The following PTPN13 variants were observed in gnomAD, a reference collection of about 807,000 sequenced individuals.
The protein encoded by PTPN13 is protein tyrosine phosphatase non-receptor type 13.
A neutral mutation model predicts 284.0 loss-of-function variants in PTPN13; 191 were observed. The observed-to-expected ratio is 0.67, with a 90% CI of 0.60 to 0.76. PTPN13 has a LOEUF of 0.76. Among genes scored for constraint, PTPN13 ranks in the 30% least tolerant of loss-of-function variants. PTPN13 has a pLI of 0.00. For missense variants in PTPN13, 2,797 were observed against 2,939.9 expected (o/e 0.95, Z 1.12); for synonymous variants, 986 against 1,022.3 (o/e 0.96, Z 0.68).
chr4:86,601,910 A>G (rs530361934), intron 1 of PTPN13, among the ~76,000 whole-genome samples: 3 of 152,156 alleles, frequency 2.0e-5, no homozygotes, highest in Non-Finnish European at 4.4e-5. Context: ...CAGACACTCT[A>G]CTAGGCACTG....
At chr4:86,672,304 A>G in intron 2 of PTPN13, 61 bp from the exon 3 acceptor site, 1 of 1,379,040 alleles carries the variant, frequency 7.3e-7, no homozygotes, top group Non-Finnish European at 9.7e-7. Context: ...TCCTGTGATT[A>G]TAATTTTAAG....
rs534941922 is a variant in PTPN13, at chr4:86,739,206, A to C, written c.2305-2428A>C. Among the ~76,000 whole-genome samples the C allele has an allele frequency of 2.8e-3, 426 of 152,276 alleles. 1 individual carries two copies. The highest frequency in any genetic ancestry group is 4.7e-3 in the Non-Finnish European group (317 of 68,018). ...AAGGGTTGAAATTCATTTTTTTAGC[A>C]TGTGGATATACAGTTGTCCCAGTAA... is the stretch of plus-strand genomic sequence containing the variant. On this transcript the variant is annotated intron_variant, in intron 15 of 47. Coordinates refer to ENST00000411767, the MANE Select transcript of PTPN13 (RefSeq NM_080683.3).
At chr4:86,661,221 T>C (rs1406582473) in intron 2 of PTPN13, 4 of 334,706 alleles carry the variant, frequency 1.2e-5, no homozygotes, top group Admixed American at 4.1e-5. Flanking sequence ...TTGGACATCA[T>C]AAAAATAGAA....
intron 9 of PTPN13, among the ~76,000 whole-genome samples, chr4:86,721,009 C>A (rs1037888136): frequency 2.0e-5 from 3 of 151,816 alleles, no homozygotes; most frequent in Admixed American, 2.0e-4. Context: ...TAGTACATTC[C>A]CACTGCTTCT....
In PTPN13 at chr4:86,750,697, G is replaced by A. The variant is rs759374648; in HGVS notation, c.2878G>A (p.Glu960Lys). ...AGAGAAGAATGACAAAGCTTCATGG[G>A]AGGAAAAGCCTAGAGAGATGAGTAA... ...SKEKNDKASW[E>K]EKPREMSKSY... Residue 960 changes from glutamate (E) to lysine (K), a missense_variant, in exon 18 of 48, where the codon GAG becomes AAG. Coordinates refer to ENST00000411767, the MANE Select transcript of PTPN13 (RefSeq NM_080683.3). 3.1e-6 allele frequency: 5 copies of A among 1,613,850 alleles called. No homozygotes were observed. Among genetic ancestry groups the A allele is most frequent in the Non-Finnish European group, 4.2e-6 (5 of 1,179,836 alleles).
intron 1 of PTPN13, among the ~76,000 whole-genome samples, chr4:86,632,986 G>A (rs911152623): frequency 2.6e-5 from 4 of 151,788 alleles, no homozygotes; most frequent in African/African-American, 9.7e-5. Context: ...TTTATTTTTT[G>A]TAGAGATGAG....
At chr4:86,689,222 A>G in intron 5 of PTPN13, 32 bp downstream of exon 5, 1 of 1,571,350 alleles carries the variant, frequency 6.4e-7, no homozygotes, top group South Asian at 1.1e-5. Flanking sequence ...AAATATAGTC[A>G]TATTTTAAAA....
At chr4:86,621,063 T>G (rs1721172117) in intron 1 of PTPN13, among the ~76,000 whole-genome samples, 1 of 152,190 alleles carries the variant, frequency 6.6e-6, no homozygotes, top group Non-Finnish European at 1.5e-5. Context: ...GTTACCTCTA[T>G]TTGGATCTTG....
rs182093633 is a variant in PTPN13, at chr4:86,729,533, C to A, written c.1609-2867C>A. On this transcript the variant is annotated intron_variant, in intron 10 of 47. Coordinates refer to ENST00000411767, the MANE Select transcript of PTPN13 (RefSeq NM_080683.3). ...TTCCGTGTTTCTTGGAGGCTTTGTT[C>A]GTTTCTTTTTACTATTTTTTCTCTA... Among the ~76,000 whole-genome samples, 6 of 149,414 alleles carry A rather than the reference C, an allele frequency of 4.0e-5. No individual in the cohort carries two copies. In the East Asian group the frequency reaches 9.7e-4, roughly 24 times the overall value.
intron 1 of PTPN13, among the ~76,000 whole-genome samples, chr4:86,600,605 G>T (rs1389398184): frequency 5.3e-5 from 8 of 151,796 alleles, no homozygotes. Flanking sequence ...GAACAAAAAT[G>T]AAACATTCTT....
intron 2 of PTPN13, among the ~76,000 whole-genome samples, chr4:86,664,454 G>A (rs1378302370): frequency 6.6e-6 from 1 of 151,958 alleles, no homozygotes; most frequent in Admixed American, 6.6e-5. Flanking sequence ...TCTCAAGCAG[G>A]GCAGAAAGGC....
chr4:86,629,784 G>T lies in PTPN13; in HGVS notation c.-5-5468G>T, dbSNP rs115939114. ...CTATGTCTTACTTTTTTTTTAATGG[G>T]GTCTTGCTCTGTTGCCCAGGCTGGA... On this transcript the variant is annotated intron_variant, in intron 1 of 47. Coordinates refer to ENST00000411767, the MANE Select transcript of PTPN13 (RefSeq NM_080683.3). Among the ~76,000 whole-genome samples, 1,478 of 148,156 alleles carry T rather than the reference G, an allele frequency of 1.0e-2. 16 individuals carry two copies. Among genetic ancestry groups the T allele is most frequent in the African/African-American group, 0.035 (1,396 of 40,326 alleles).
chr4:86,720,224 TTCAAGCGAAATTAAA>T (rs1164346025), intron 9 of PTPN13, among the ~76,000 whole-genome samples: 2 of 152,226 alleles, frequency 1.3e-5, no homozygotes, highest in African/African-American at 4.8e-5. Flanking sequence ...TTAAAACATA[TTCAAGCGAAATTAAA>T]TCATTTTGGG....
At chr4:86,715,317 TTATATA>T (rs779085799) in intron 7 of PTPN13, among the ~76,000 whole-genome samples, 1 of 152,158 alleles carries the variant, frequency 6.6e-6, no homozygotes, top group Non-Finnish European at 1.5e-5. Context: ...AAAACTTTGA[TTATATA>T]TATGTATGTG....
At chr4:86,621,310 C>T (rs1721214083) in intron 1 of PTPN13, among the ~76,000 whole-genome samples, 1 of 152,172 alleles carries the variant, frequency 6.6e-6, no homozygotes. Context: ...TGTATTTAGA[C>T]TTTACCGTAT....
In PTPN13 at chr4:86,729,715, C is replaced by T. The variant is rs765387272; in HGVS notation, c.1609-2685C>T. Among the ~76,000 whole-genome samples, 7 of 149,630 alleles carry T rather than the reference C, an allele frequency of 4.7e-5. 2 individuals carry two copies. The highest frequency in any genetic ancestry group is 1.7e-4 in the African/African-American group (7 of 41,006). ...CAGGTCATTTAAGGTCTTCTCTACA[C>T]TGTTTATTCTAGTTAGCCATTCCTC... On this transcript the variant is annotated intron_variant, in intron 10 of 47. Coordinates refer to ENST00000411767, the MANE Select transcript of PTPN13 (RefSeq NM_080683.3).
intron 2 of PTPN13, among the ~76,000 whole-genome samples, chr4:86,638,770 G>A (rs1392637943): frequency 1.3e-5 from 2 of 152,032 alleles, no homozygotes; most frequent in Non-Finnish European, 2.9e-5. Context: ...ATAGGCATGG[G>A]CAAGGACTTC....
intron 1 of PTPN13, among the ~76,000 whole-genome samples, chr4:86,602,805 T>A (rs1764422463): frequency 6.6e-6 from 1 of 151,892 alleles, no homozygotes; most frequent in Non-Finnish European, 1.5e-5. Context: ...ATCCTCCTAC[T>A]TCAGCCCCGC....
intron 16 of PTPN13, among the ~76,000 whole-genome samples, chr4:86,742,938 A>T (rs1736315711): frequency 6.6e-6 from 1 of 152,334 alleles, no homozygotes; most frequent in Admixed American, 6.5e-5. Context: ...GTTCATTTTT[A>T]AAGATTTGTG....
Sources: gnomAD v4.1 joint callset for allele counts (sites outside exome capture counted in the v4.1 genomes callset) on GRCh38, gnomAD v4.1.1 for gene constraint, MANE v1.5 for transcripts, NCBI Gene and HGNC (gene_info 2026-07-23, HGNC 2026-07-21) for gene names.